Variants in OPCML observed in about 807,000 individuals in gnomAD.
OPCML encodes opioid binding protein/cell adhesion molecule like.
OPCML carries 13 observed loss-of-function variants against 37.8 expected under a neutral mutation model. That is an observed-to-expected ratio of 0.34 (90% CI 0.22 to 0.55). The LOEUF (loss-of-function observed/expected upper bound fraction) is 0.55. Among genes scored for constraint, OPCML ranks in the 20% least tolerant of loss-of-function variants. The pLI, the probability that OPCML is intolerant of heterozygous loss-of-function variation, is 0.91. For synonymous variants in OPCML, 176 were observed against 168.8 expected (o/e 1.04, Z -0.33); for missense variants, 341 against 435.6 (o/e 0.78, Z 1.93).
At chr11:133,478,042 C>T (rs910938018) in intron 1 of OPCML, among the ~76,000 whole-genome samples, 9 of 152,084 alleles carry the variant, frequency 5.9e-5, no homozygotes, top group South Asian at 2.1e-4. Context: ...TGCTGGCTTG[C>T]GACTAATTAA....
intron 1 of OPCML, among the ~76,000 whole-genome samples, chr11:132,951,032 A>G (rs1049139482): frequency 9.2e-5 from 14 of 152,150 alleles, no homozygotes; most frequent in African/African-American, 3.4e-4. Flanking sequence ...CCTGCGCTCT[A>G]GAGTGCAGCA....
At chr11:133,321,219 C>G (rs973306731) in intron 1 of OPCML, among the ~76,000 whole-genome samples, 2 of 152,156 alleles carry the variant, frequency 1.3e-5, no homozygotes, top group African/African-American at 4.8e-5. Flanking sequence ...TTCCTAGTTA[C>G]TCTCCAGCTT....
chr11:132,812,942 A>G (rs1308611480), intron 2 of OPCML, among the ~76,000 whole-genome samples: 1 of 152,230 alleles, frequency 6.6e-6, no homozygotes. Context: ...CAGAGGTCCT[A>G]TAACTTGAGG....
chr11:132,970,237 C>A (rs1946311082), intron 1 of OPCML, among the ~76,000 whole-genome samples: 1 of 152,144 alleles, frequency 6.6e-6, no homozygotes, highest in African/African-American at 2.4e-5. Context: ...ATTCATTTTA[C>A]TGTTTGAAAA....
chr11:132,438,084 C>T (rs1364923695), intron 4 of OPCML, among the ~76,000 whole-genome samples: 1 of 152,194 alleles, frequency 6.6e-6, no homozygotes, highest in Non-Finnish European at 1.5e-5. Context: ...GATTCATTCT[C>T]AGGTACTTGT....
At chr11:133,064,120 G>A (rs1198045252) in intron 1 of OPCML, among the ~76,000 whole-genome samples, 1 of 152,202 alleles carries the variant, frequency 6.6e-6, no homozygotes, top group Non-Finnish European at 1.5e-5. Context: ...CTGACCAAAG[G>A]AAGGAGGTGG....
Position 133,433,251 on chromosome 11 carries a change from C to CAAAAAAAAAAAAAAAAAAAA in OPCML, c.61+99012_61+99013insTTTTTTTTTTTTTTTTTTTT, listed in dbSNP as rs71477795. ...TGGGCGACAGAGCGAGACTCCGTCT[C>CAAAAAAAAAAAAAAAAAAAA]AAAAAAAAAAAAAAAAAAATATTAC... On this transcript the variant is annotated intron_variant, in intron 1 of 7. Transcript: ENST00000524381. Among the ~76,000 whole-genome samples, 169 of 90,656 alleles carry CAAAAAAAAAAAAAAAAAAAA rather than the reference C, an allele frequency of 1.9e-3. 9 individuals are homozygous for CAAAAAAAAAAAAAAAAAAAA. The highest frequency in any genetic ancestry group is 6.7e-3 in the African/African-American group (146 of 21,770). 59.5% of individuals were successfully genotyped at this position (90,656 alleles called of 152,430 possible).
intron 1 of OPCML, among the ~76,000 whole-genome samples, chr11:133,163,174 CT>C (rs1423183292): frequency 6.6e-6 from 1 of 152,162 alleles, no homozygotes; most frequent in African/African-American, 2.4e-5. Flanking sequence ...CCTTGCCACT[CT>C]CATTATTTCA....
chr11:133,257,975 A>T lies in OPCML; in HGVS notation c.61+274289T>A, dbSNP rs543401171. Among the ~76,000 whole-genome samples, 37 of 152,082 alleles carry T rather than the reference A, an allele frequency of 2.4e-4. 1 individual carries two copies. Among genetic ancestry groups the T allele is most frequent in the African/African-American group, 8.7e-4 (36 of 41,468 alleles). On this transcript the variant is annotated intron_variant, in intron 1 of 7. Coordinates refer to ENST00000524381, the MANE Select transcript of OPCML (RefSeq NM_001012393.5). The stretch of plus-strand genomic sequence containing the variant: ...ACTGGAAAACCTTATTGGACTTCAG[A>T]TTTATTCTAAGATTGTATCTGGGGG...
chr11:132,724,035 T>C (rs1944779083), intron 2 of OPCML, among the ~76,000 whole-genome samples: 1 of 152,116 alleles, frequency 6.6e-6, no homozygotes, highest in Non-Finnish European at 1.5e-5. Flanking sequence ...GTGAAATAGC[T>C]GAGCAGGGGT....
At chr11:133,059,063 C>T (rs953267083) in intron 1 of OPCML, among the ~76,000 whole-genome samples, 2 of 152,216 alleles carry the variant, frequency 1.3e-5, no homozygotes, top group African/African-American at 4.8e-5. Context: ...AAATTTTCCT[C>T]CAGGACTACC....
chr11:132,819,712 T>C (rs77800338), intron 2 of OPCML, among the ~76,000 whole-genome samples: 1,712 of 152,334 alleles, frequency 0.011, 31 homozygotes, highest in African/African-American at 0.039. Context: ...TTCTGAGTTG[T>C]AGGATGAGGG....
chr11:133,262,865 C>T (rs879810233), intron 1 of OPCML, among the ~76,000 whole-genome samples: 10 of 151,740 alleles, frequency 6.6e-5, no homozygotes, highest in Non-Finnish European at 1.5e-4. Context: ...CAGAAAGTGG[C>T]GTGAGGACAC....
chr11:132,860,033 G>A (rs1257546086), intron 2 of OPCML: 3 of 152,164 alleles, frequency 2.0e-5, no homozygotes, highest in Non-Finnish European at 4.4e-5. Context: ...TGACACACTA[G>A]GCCATTAGCT....
At chr11:132,983,486 C>A (rs1234389418) in intron 1 of OPCML, among the ~76,000 whole-genome samples, 1 of 152,214 alleles carries the variant, frequency 6.6e-6, no homozygotes, top group East Asian at 1.9e-4. Context: ...TGGTGAGTGA[C>A]CACCCAGAGC....
At chr11:133,395,962 A>G (rs1223712090) in intron 1 of OPCML, among the ~76,000 whole-genome samples, 1 of 152,202 alleles carries the variant, frequency 6.6e-6, no homozygotes, top group East Asian at 1.9e-4. Flanking sequence ...GAATCTATAG[A>G]TTGCTTCAGG....
rs933681518 is a variant in OPCML at position 133,206,663 on chromosome 11, C to T, written c.62-263653G>A. On this transcript the variant is annotated intron_variant, in intron 1 of 7. Transcript: ENST00000524381. This position sits in a 1 kb window ranked among gnomAD's most constrained non-coding sequence, Gnocchi z 4.7. ...AGAGATCACTAGGGCCGAGCAAAGG[C>T]TGTGCTCTCCTGCTCGATGAAGCTT... Among the ~76,000 whole-genome samples, 3 of 152,196 alleles carry T rather than the reference C, an allele frequency of 2.0e-5. No homozygotes were observed. The highest frequency in any genetic ancestry group is 2.0e-4 in the Admixed American group (3 of 15,278).
chr11:132,446,574 A>G (rs576519016), intron 4 of OPCML, among the ~76,000 whole-genome samples: 1 of 152,318 alleles, frequency 6.6e-6, no homozygotes, highest in African/African-American at 2.4e-5. Context: ...ATTTTTACAT[A>G]GTAGAGCTTA....
chr11:132,839,288 T>A (rs558277438), intron 2 of OPCML, among the ~76,000 whole-genome samples: 1 of 152,062 alleles, frequency 6.6e-6, no homozygotes, highest in East Asian at 1.9e-4. Flanking sequence ...ACGGGCTGCA[T>A]GACATTTTAT....
Sources: gnomAD v4.1 joint callset for allele counts (sites outside exome capture counted in the v4.1 genomes callset) on GRCh38, gnomAD v4.1.1 for gene constraint, Gnocchi (gnomAD v3.1) non-coding constraint, MANE v1.5 for transcripts, NCBI Gene and HGNC (gene_info 2026-07-23, HGNC 2026-07-21) for gene names.